XKR6: variants seen among roughly 807,000 people sequenced by gnomAD.
XKR6 encodes XK related 6.
In XKR6, 22 loss-of-function variants were observed where a neutral mutation model predicts 56.7. The observed-to-expected ratio is 0.39, with a 90% CI of 0.28 to 0.55. The LOEUF is 0.55. Ranked by LOEUF, XKR6 falls within the 20% of genes least tolerant of loss-of-function variation. XKR6 has a pLI of 0.66. For synonymous variants in XKR6, 524 were observed against 387.8 expected (o/e 1.35, Z -4.13); for missense variants, 852 against 889.0 (o/e 0.96, Z 0.53).
Position 11,103,228 on chromosome 8 carries a change from G to C in XKR6, c.764+97348C>G, listed in dbSNP as rs548329069. ...GACAGAAACTACAATTTGTTACAGT[G>C]ACTTCCTAGAGAGATGAACAAAAAA... On this transcript the variant is annotated intron_variant, in intron 1 of 2. Coordinates refer to ENST00000416569, the MANE Select transcript of XKR6 (RefSeq NM_173683.4). Among the ~76,000 whole-genome samples, 539 of 152,266 alleles carry C rather than the reference G, an allele frequency of 3.5e-3. 3 individuals carry two copies. The highest frequency in any genetic ancestry group is 5.3e-3 in the Non-Finnish European group (359 of 68,012).
intron 1 of XKR6, among the ~76,000 whole-genome samples, chr8:11,040,796 T>C (rs770237337): frequency 6.6e-6 from 1 of 152,084 alleles, no homozygotes; most frequent in Non-Finnish European, 1.5e-5. Flanking sequence ...TGTCAACACA[T>C]GCATTTGGGG....
chr8:11,164,763 T>A (rs899568377), intron 1 of XKR6, among the ~76,000 whole-genome samples: 3 of 152,246 alleles, frequency 2.0e-5, no homozygotes, highest in African/African-American at 7.2e-5. Context: ...CATGTAACTA[T>A]TTCTCAATAT....
chr8:11,190,121 C>T (rs1803477273), intron 1 of XKR6, among the ~76,000 whole-genome samples: 1 of 149,120 alleles, frequency 6.7e-6, no homozygotes, highest in African/African-American at 2.5e-5. Flanking sequence ...CGCGCCACCG[C>T]ACTCCAGCCT....
In XKR6 at chr8:11,200,548, G is replaced by A. The variant is rs776738850; in HGVS notation, c.764+28C>T. 4.2e-6 allele frequency: 6 copies of A among 1,437,328 alleles called. No homozygotes were observed. The highest frequency in any genetic ancestry group is 2.7e-6 in the Non-Finnish European group (3 of 1,104,860). The allele number at this position is 1,437,328 out of a possible 1,614,324, so 89.0% of individuals were successfully genotyped here. ...GGCGGAGGGGGGCTCCTCAGGGCCG[G>A]CCCGCCCCCACCCCGCAGTGCTCTT... On this transcript the variant is annotated intron_variant, in intron 1 of 2. Transcript: ENST00000416569. This position sits in a 1 kb window ranked among gnomAD's most constrained non-coding sequence, Gnocchi z 6.4.
intron 1 of XKR6, among the ~76,000 whole-genome samples, chr8:11,099,350 C>T (rs188383551): frequency 1.7e-3 from 261 of 152,320 alleles, no homozygotes; most frequent in African/African-American, 6.0e-3. Flanking sequence ...ATGGCTGAAT[C>T]TACTAAAACA....
intron 1 of XKR6, among the ~76,000 whole-genome samples, chr8:11,040,052 G>A (rs537112511): frequency 9.3e-4 from 142 of 152,210 alleles, no homozygotes; most frequent in Middle Eastern, 6.8e-3. Context: ...CCTCACCGTC[G>A]GGAGGTGAGG....
chr8:10,951,300 G>GTGTGTGTGTGTGTGTGT (rs988183717), intron 1 of XKR6, among the ~76,000 whole-genome samples: 10,371 of 122,296 alleles, frequency 0.085, 518 homozygotes, highest in Non-Finnish European at 0.11. Flanking sequence ...TGTGTGTGTG[G>GTGTGTGTGTGTGTGTGT]GGGGGGGGGG....
chr8:11,051,126 TG>T (rs1226507287), intron 1 of XKR6, among the ~76,000 whole-genome samples: 1 of 152,080 alleles, frequency 6.6e-6, no homozygotes, highest in Non-Finnish European at 1.5e-5. Flanking sequence ...CCCTCTCCCT[TG>T]GCCTTGTTGT....
chr8:11,026,136 G>T (rs1460948832), intron 1 of XKR6, among the ~76,000 whole-genome samples: 4 of 151,946 alleles, frequency 2.6e-5, no homozygotes, highest in Non-Finnish European at 5.9e-5. Flanking sequence ...TGCCTAGATG[G>T]TGTCGCCTAC....
chr8:11,038,790 C>T (rs2129154978), intron 1 of XKR6, among the ~76,000 whole-genome samples: 1 of 152,188 alleles, frequency 6.6e-6, no homozygotes, highest in Admixed American at 6.5e-5. Flanking sequence ...ATCCTTCCAC[C>T]TGAGACTCCC....
intron 1 of XKR6, among the ~76,000 whole-genome samples, chr8:11,114,771 G>A (rs4840545): frequency 0.026 from 2,073 of 81,232 alleles, 56 homozygotes; most frequent in African/African-American, 0.062. Context: ...GTGTGTGTGT[G>A]TGTATGTGCC....
intron 1 of XKR6, among the ~76,000 whole-genome samples, chr8:10,949,571 G>T (rs1333455765): frequency 2.6e-5 from 4 of 152,260 alleles, no homozygotes; most frequent in African/African-American, 9.6e-5. Flanking sequence ...CAGGCACGGA[G>T]CCAGACACTC....
intron 1 of XKR6, among the ~76,000 whole-genome samples, chr8:11,038,566 G>A (rs894492843): frequency 1.4e-5 from 2 of 139,954 alleles, no homozygotes; most frequent in Non-Finnish European, 3.1e-5. Flanking sequence ...GCAGGGTCTC[G>A]CTCTGTCGCC....
At chr8:11,093,958 T>C (rs1410261746) in intron 1 of XKR6, among the ~76,000 whole-genome samples, 1 of 152,090 alleles carries the variant, frequency 6.6e-6, no homozygotes, top group Non-Finnish European at 1.5e-5. Flanking sequence ...TAATTTTTTG[T>C]ATTTTTAGTA....
rs146436432 is a variant in XKR6, at chr8:10,991,665, T to C, written c.765-66835A>G. ...GTTTTCTGTGGACTTGAGTGGGCAATCAGTGGTTAACCTCTGGATCCAAAT... is the reference window on the plus strand; with the variant it reads ...GTTTTCTGTGGACTTGAGTGGGCAACCAGTGGTTAACCTCTGGATCCAAAT... On this transcript the variant is annotated intron_variant, in intron 1 of 2. Transcript: ENST00000416569. 3.2e-3 allele frequency among the ~76,000 whole-genome samples: 488 copies of C among 152,300 alleles called. 6 individuals are homozygous for C. The highest frequency in any genetic ancestry group is 0.011 in the African/African-American group (463 of 41,554).
At chr8:10,904,400 C>T (rs775063282) in intron 2 of XKR6, among the ~76,000 whole-genome samples, 4 of 152,142 alleles carry the variant, frequency 2.6e-5, no homozygotes, top group Admixed American at 1.3e-4. Flanking sequence ...ATCTTATGAC[C>T]GATGACACAG....
intron 1 of XKR6, among the ~76,000 whole-genome samples, chr8:11,065,131 C>G (rs1048524772): frequency 6.6e-6 from 1 of 152,166 alleles, no homozygotes; most frequent in African/African-American, 2.4e-5. Context: ...CTGACTATAA[C>G]TTTCTTTTAA....
intron 1 of XKR6, among the ~76,000 whole-genome samples, chr8:11,167,383 C>A (rs1802131805): frequency 6.6e-6 from 1 of 152,170 alleles, no homozygotes; most frequent in Admixed American, 6.5e-5. Flanking sequence ...AGAACGCATT[C>A]ATAAATTTTT....
chr8:10,946,024 G>A (rs71518504), intron 1 of XKR6, among the ~76,000 whole-genome samples: 11,768 of 152,000 alleles, frequency 0.077, 515 homozygotes, highest in Middle Eastern at 0.2. Flanking sequence ...TGCTGGTGGC[G>A]CCCTGTGCTT....
Sources: allele counts gnomAD v4.1 joint callset (sites outside exome capture counted in the v4.1 genomes callset), GRCh38; gene constraint gnomAD v4.1.1; non-coding constraint Gnocchi (gnomAD v3.1); transcripts MANE v1.5; gene names NCBI Gene and HGNC (gene_info 2026-07-23, HGNC 2026-07-21).